Variants in GLIS3 observed in about 807,000 individuals in gnomAD.
The protein encoded by GLIS3 is zinc finger protein GLIS3.
In GLIS3, 53 loss-of-function variants were observed where a neutral mutation model predicts 78.6. That is an observed-to-expected ratio of 0.67 (90% CI 0.54 to 0.85). GLIS3 has a LOEUF of 0.85. GLIS3 is among the 40% of genes least tolerant of loss of function. The pLI, the probability that GLIS3 is intolerant of heterozygous loss-of-function variation, is 0.00. For missense variants in GLIS3, 1,703 were observed against 1,231.1 expected (o/e 1.38, Z -5.74); for synonymous variants, 684 against 509.9 (o/e 1.34, Z -4.60).
chr9:4,454,154 A>ATT, the GLIS3 span, among the ~76,000 whole-genome samples: 1 of 138,546 alleles, frequency 7.2e-6, no homozygotes, highest in Non-Finnish European at 1.5e-5. Flanking sequence ...TGATGATAAA[A>ATT]AAAAAAAAAA....
In GLIS3 at chr9:3,961,637, C is replaced by G. The variant is rs144134151; in HGVS notation, c.1711-24448G>C. Among the ~76,000 whole-genome samples, 1,111 of 152,310 alleles carry G rather than the reference C, an allele frequency of 7.3e-3. 12 individuals are homozygous for G. Among genetic ancestry groups the G allele is most frequent in the African/African-American group, 0.024 (983 of 41,560 alleles). On this transcript the variant is annotated intron_variant, in intron 4 of 10. Coordinates refer to ENST00000381971, the MANE Select transcript of GLIS3 (RefSeq NM_001042413.2). ...CCGTTTTGAAACAGTACTTTGTGGGCTCTCCCATATTGAGAATAGTTACAC... is the reference window on the plus strand; with the variant it reads ...CCGTTTTGAAACAGTACTTTGTGGGGTCTCCCATATTGAGAATAGTTACAC...
At chr9:4,132,464 G>A (rs1458968664) in intron 2 of GLIS3, among the ~76,000 whole-genome samples, 1 of 152,184 alleles carries the variant, frequency 6.6e-6, no homozygotes, top group Admixed American at 6.5e-5. Context: ...AACTATTTAT[G>A]TGTATCCACT....
chr9:4,352,733 T>C (rs1451348515), upstream of GLIS3, among the ~76,000 whole-genome samples: 1 of 152,272 alleles, frequency 6.6e-6, no homozygotes, highest in Admixed American at 6.5e-5. Context: ...TGTGCCTTTG[T>C]GCTGCTGGCT....
At chr9:4,287,316 A>G (rs1005747402) in intron 1 of GLIS3, among the ~76,000 whole-genome samples, 9 of 152,190 alleles carry the variant, frequency 5.9e-5, no homozygotes, top group African/African-American at 2.2e-4. Flanking sequence ...CATTCAGTAA[A>G]TCTACCATAG....
chr9:4,138,958 C>T (rs889528141), intron 2 of GLIS3, among the ~76,000 whole-genome samples: 9 of 152,174 alleles, frequency 5.9e-5, no homozygotes, highest in Admixed American at 6.5e-5. Flanking sequence ...AGATAACAGT[C>T]TATTTCCAGT....
intron 6 of GLIS3, among the ~76,000 whole-genome samples, chr9:3,901,762 G>C (rs1030667538): frequency 2.0e-5 from 3 of 152,122 alleles, no homozygotes; most frequent in African/African-American, 7.2e-5. Flanking sequence ...GCACATTCCA[G>C]TCTCTGACCA....
At chr9:4,036,565 T>A (rs1824324664) in intron 4 of GLIS3, among the ~76,000 whole-genome samples, 1 of 152,040 alleles carries the variant, frequency 6.6e-6, no homozygotes, top group Non-Finnish European at 1.5e-5. Flanking sequence ...CAGAAAACAG[T>A]TTTCTCCCTG....
chr9:4,233,965 C>T (rs1037726923), intron 2 of GLIS3, among the ~76,000 whole-genome samples: 30 of 152,196 alleles, frequency 2.0e-4, no homozygotes, highest in Admixed American at 2.0e-3. Context: ...CATAAACCAA[C>T]TTCTGCTAGC....
intron 2 of GLIS3, among the ~76,000 whole-genome samples, chr9:4,135,652 G>A (rs1471224134): frequency 1.3e-5 from 2 of 152,034 alleles, no homozygotes; most frequent in Non-Finnish European, 2.9e-5. Flanking sequence ...ATAAAGAATA[G>A]AATCTTAGGC....
Position 4,157,320 on chromosome 9 carries a change from C to T in GLIS3, c.389-31379G>A, listed in dbSNP as rs114108797. Among the ~76,000 whole-genome samples, 1,057 of 152,216 alleles carry T rather than the reference C, an allele frequency of 6.9e-3. 11 individuals carry two copies. The highest frequency in any genetic ancestry group is 0.024 in the African/African-American group (1,003 of 41,526). On this transcript the variant is annotated intron_variant, in intron 2 of 10. Coordinates refer to ENST00000381971, the MANE Select transcript of GLIS3 (RefSeq NM_001042413.2). ...AAATTGGTGTGACTTACAGTGAACA[C>T]CAAAGCAGGACTGATTTTGCCTGCT...
intron 2 of GLIS3, among the ~76,000 whole-genome samples, chr9:4,248,368 T>G (rs1824009031): frequency 6.6e-6 from 1 of 152,208 alleles, no homozygotes; most frequent in Non-Finnish European, 1.5e-5. Flanking sequence ...GTTGATTTGC[T>G]GAGAATGATC....
intron 2 of GLIS3, among the ~76,000 whole-genome samples, chr9:4,181,611 T>C (rs1004012231): frequency 1.3e-5 from 2 of 152,250 alleles, no homozygotes; most frequent in African/African-American, 2.4e-5. Context: ...CAGTCTGCCA[T>C]GCACATGCAA....
chr9:4,079,654 T>C (rs1258207880), intron 4 of GLIS3, among the ~76,000 whole-genome samples: 1 of 151,720 alleles, frequency 6.6e-6, no homozygotes, highest in Non-Finnish European at 1.5e-5. Context: ...AGCATGGCTA[T>C]GGAGCCAGAG....
chr9:4,300,273 C>T (rs1187198284), upstream of GLIS3, among the ~76,000 whole-genome samples: 2 of 151,952 alleles, frequency 1.3e-5, no homozygotes, highest in Non-Finnish European at 2.9e-5. Flanking sequence ...AGTCGAGGAA[C>T]TCCAGAACAG....
intron 2 of GLIS3, among the ~76,000 whole-genome samples, chr9:4,246,741 A>T (rs370291785): frequency 6.6e-6 from 1 of 152,206 alleles, no homozygotes; most frequent in Admixed American, 6.5e-5. Flanking sequence ...ACAAAACTGC[A>T]TGTGGCCTGT....
At chr9:4,037,425 A>G (rs1375347179) in intron 4 of GLIS3, among the ~76,000 whole-genome samples, 1 of 152,190 alleles carries the variant, frequency 6.6e-6, no homozygotes, top group Admixed American at 6.5e-5. Context: ...CTACATTTTT[A>G]CCTGAGCAAG....
At chr9:4,399,960 A>T in the GLIS3 span, among the ~76,000 whole-genome samples, 1 of 152,170 alleles carries the variant, frequency 6.6e-6, no homozygotes, top group African/African-American at 2.4e-5. Flanking sequence ...GTTGGAGCAG[A>T]AATAGGAGGT....
Position 3,945,828 on chromosome 9 carries a change from C to CA in GLIS3, c.1711-8640dup, listed in dbSNP as rs201108615. On this transcript the variant is annotated intron_variant, in intron 4 of 10. Coordinates refer to ENST00000381971, the MANE Select transcript of GLIS3 (RefSeq NM_001042413.2). ...CAAAACAAAATAAAAAGTAGAAAAA[C>CA]AAAAAAAACAGAGAGAAAGAGACAC... is the stretch of plus-strand genomic sequence containing the variant. Among the ~76,000 whole-genome samples the CA allele has an allele frequency of 1.6e-3, 243 of 151,278 alleles. 1 individual carries two copies. The highest frequency in any genetic ancestry group is 3.5e-3 in the African/African-American group (143 of 41,276).
intron 4 of GLIS3, among the ~76,000 whole-genome samples, chr9:4,046,037 C>T (rs10974299): frequency 0.45 from 68,593 of 152,074 alleles, 16,626 homozygotes; most frequent in African/African-American, 0.63. Flanking sequence ...ATTTTAATTT[C>T]ACTCAGAATT....
Sources: gnomAD v4.1 joint callset for allele counts (sites outside exome capture counted in the v4.1 genomes callset) on GRCh38, gnomAD v4.1.1 for gene constraint, MANE v1.5 for transcripts, NCBI Gene and HGNC (gene_info 2026-07-23, HGNC 2026-07-21) for gene names.